Variants in PPP4R4 observed in about 807,000 individuals in gnomAD.
PPP4R4 encodes serine/threonine-protein phosphatase 4 regulatory subunit 4.
A neutral mutation model predicts 121.8 loss-of-function variants in PPP4R4; 70 were observed. The observed-to-expected ratio is 0.57, with a 90% CI of 0.47 to 0.70. The LOEUF is 0.70. Among genes scored for constraint, PPP4R4 ranks in the 30% least tolerant of loss-of-function variants. PPP4R4 has a pLI of 0.00. For missense variants in PPP4R4, 875 were observed against 1,033.6 expected (o/e 0.85, Z 2.10); for synonymous variants, 348 against 355.7 (o/e 0.98, Z 0.24).
At chr14:94,239,383 G>T (rs1212064404) in intron 8 of PPP4R4, among the ~76,000 whole-genome samples, 2 of 123,320 alleles carry the variant, frequency 1.6e-5, no homozygotes, top group African/African-American at 6.5e-5. Context: ...GGTGTTCGAT[G>T]TTCCCCACCC....
At chr14:94,175,050 C>G (rs997577279) in intron 1 of PPP4R4, among the ~76,000 whole-genome samples, 2 of 149,310 alleles carry the variant, frequency 1.3e-5, no homozygotes, top group Non-Finnish European at 3.0e-5. Context: ...TCCCCAACCT[C>G]TGGTCCGCTG....
At chr14:94,186,606 T>C (rs117396183) in intron 2 of PPP4R4, among the ~76,000 whole-genome samples, 31 of 152,340 alleles carry the variant, frequency 2.0e-4, no homozygotes, top group Non-Finnish European at 3.4e-4. Flanking sequence ...TTCCTTCCTC[T>C]CTGGTAAACA....
chr14:94,259,354 A>G lies in PPP4R4; in HGVS notation c.2112A>G (p.Leu704=), dbSNP rs1566697637. 1.2e-6 allele frequency: 2 copies of G among 1,610,104 alleles called. No homozygotes were observed. Among genetic ancestry groups the G allele is most frequent in the Non-Finnish European group, 1.7e-6 (2 of 1,178,818 alleles). The change falls in exon 19 of 25, where the codon CTA becomes CTG. Residue 704 remains leucine (L), a synonymous_variant. Transcript: ENST00000304338. The part of the protein sequence containing the change: ...LLDQEKEREE[L]LLLEMEQLEK... The stretch of plus-strand genomic sequence containing the variant: ...ATCAAGAGAAAGAAAGAGAAGAACT[A>G]CTTCTTTTGGAAATGGTATGTTGTT...
chr14:94,246,331 G>A, intron 13 of PPP4R4, 26 bp from the exon 14 acceptor site: 1 of 1,576,518 alleles, frequency 6.3e-7, no homozygotes, highest in Non-Finnish European at 8.6e-7. Context: ...ATTTATAATT[G>A]ATTTTTTGAT....
At chr14:94,278,566 C>A in intron 24 of PPP4R4, 53 bp from the exon 25 acceptor site, 2 of 1,308,976 alleles carry the variant, frequency 1.5e-6, no homozygotes, top group East Asian at 2.4e-5. Context: ...CTCCCTTTCT[C>A]ACTCCCTCCT....
intron 22 of PPP4R4, 94 bp from the exon 23 acceptor site, chr14:94,266,865 A>G: frequency 2.5e-6 from 2 of 810,832 alleles, no homozygotes; most frequent in East Asian, 2.7e-5. Context: ...AGAGGAAAGC[A>G]TTAAAAAGAA....
chr14:94,215,968 C>A (rs1226769569), intron 3 of PPP4R4, among the ~76,000 whole-genome samples: 1 of 152,074 alleles, frequency 6.6e-6, no homozygotes. Flanking sequence ...GCATTATAGA[C>A]CTAAAAATAT....
chr14:94,257,158 C>T (rs1010624535), intron 17 of PPP4R4, among the ~76,000 whole-genome samples: 1 of 151,966 alleles, frequency 6.6e-6, no homozygotes, highest in Non-Finnish European at 1.5e-5. Flanking sequence ...AACATTGTAT[C>T]CTATGAGTTT....
At chr14:94,242,236 G>C in intron 10 of PPP4R4, 53 bp from the exon 11 acceptor site, 1 of 1,566,368 alleles carries the variant, frequency 6.4e-7, no homozygotes, top group South Asian at 1.1e-5. Context: ...ATTAGGTATT[G>C]ATGCATGTTT....
intron 3 of PPP4R4, among the ~76,000 whole-genome samples, chr14:94,211,560 T>G (rs1890739684): frequency 6.6e-6 from 1 of 152,146 alleles, no homozygotes; most frequent in Non-Finnish European, 1.5e-5. Flanking sequence ...GAGAAGAGGT[T>G]AGAGAAATGG....
chr14:94,190,469 T>C (rs3762137), intron 2 of PPP4R4, among the ~76,000 whole-genome samples: 119,482 of 151,872 alleles, frequency 0.79, 47,588 homozygotes, highest in Admixed American at 0.84. Flanking sequence ...GGTGTGGTGG[T>C]GTGTGCCTGT....
In PPP4R4 at chr14:94,266,340, G is replaced by T. The variant is rs142593580; in HGVS notation, c.2378+453G>T. Among the ~76,000 whole-genome samples, 240 of 152,126 alleles carry T rather than the reference G, an allele frequency of 1.6e-3. 2 individuals carry two copies. Among genetic ancestry groups the T allele is most frequent in the African/African-American group, 5.6e-3 (233 of 41,526 alleles). ...TTAGCGTGACAATAGATGAATGTCT[G>T]GTTTCCCCTTTAGCCCAGGAGACAA... On this transcript the variant is annotated intron_variant, in intron 22 of 24. Transcript: ENST00000304338.
intron 1 of PPP4R4, 83 bp downstream of exon 1, chr14:94,174,665 A>G (rs549006043): frequency 9.0e-6 from 13 of 1,446,338 alleles, no homozygotes; most frequent in Non-Finnish European, 1.2e-5. Context: ...GCCCCACGCC[A>G]CCACCCTCCC....
chr14:94,267,185 A>C (rs565266268), intron 23 of PPP4R4, among the ~76,000 whole-genome samples, 156 bp downstream of exon 23: 11 of 152,322 alleles, frequency 7.2e-5, no homozygotes, highest in Admixed American at 4.6e-4. Flanking sequence ...AGCAATTGAG[A>C]AAATATTTGA....
chr14:94,255,777 A>T (rs889977813), intron 16 of PPP4R4, among the ~76,000 whole-genome samples: 2 of 152,178 alleles, frequency 1.3e-5, no homozygotes, highest in East Asian at 1.9e-4. Flanking sequence ...TAGACAGATG[A>T]TGCTTGTAAA....
At chr14:94,242,565 T>G (rs1289493805) in intron 11 of PPP4R4, among the ~76,000 whole-genome samples, 157 bp downstream of exon 11, 1 of 152,178 alleles carries the variant, frequency 6.6e-6, no homozygotes, top group Non-Finnish European at 1.5e-5. Flanking sequence ...TTTTCTTCTT[T>G]TTTAGTATGT....
At chr14:94,255,279 A>G (rs1306714857) in intron 16 of PPP4R4, among the ~76,000 whole-genome samples, 2 of 152,180 alleles carry the variant, frequency 1.3e-5, no homozygotes, top group Non-Finnish European at 2.9e-5. Context: ...CCAATCCCTC[A>G]GCACATCCTG....
chr14:94,215,216 C>T (rs1052465681), intron 3 of PPP4R4, among the ~76,000 whole-genome samples: 1 of 152,096 alleles, frequency 6.6e-6, no homozygotes, highest in African/African-American at 2.4e-5. Flanking sequence ...ACTCATTTTA[C>T]AGTTCGGAAA....
chr14:94,212,054 A>T (rs1212317820), intron 3 of PPP4R4, among the ~76,000 whole-genome samples: 1 of 152,216 alleles, frequency 6.6e-6, no homozygotes, highest in African/African-American at 2.4e-5. Flanking sequence ...CAATACCAAG[A>T]TTTTTACCAC....
Sources: gnomAD v4.1 joint callset for allele counts (sites outside exome capture counted in the v4.1 genomes callset) on GRCh38, gnomAD v4.1.1 for gene constraint, MANE v1.5 for transcripts, NCBI Gene and HGNC (gene_info 2026-07-23, HGNC 2026-07-21) for gene names.